CNTRL: variants seen among roughly 807,000 people sequenced by gnomAD.
CNTRL encodes 110 kDa centrosomal protein.
In CNTRL, 233 loss-of-function variants were observed where a neutral mutation model predicts 303.7. The ratio of observed to expected loss-of-function variants is 0.77; its 90% CI spans 0.69 to 0.86. The LOEUF is 0.86. Among genes scored for constraint, CNTRL ranks in the 40% least tolerant of loss-of-function variants. The pLI, the probability that CNTRL is intolerant of heterozygous loss-of-function variation, is 0.00. For synonymous variants in CNTRL, 900 were observed against 922.2 expected, an observed-to-expected ratio of 0.98 and a Z score of 0.44; for missense variants, 2,524 against 2,650.6, an observed-to-expected ratio of 0.95 and a Z score of 1.05.
In CNTRL at chr9:121,096,462, C is replaced by T; in HGVS notation, c.520C>T (p.Leu174Phe). ...AGAAAATATGTGTAATCTGCAAAAG[C>T]TTAACCTTGCAGGAAATGAAATTGA... ...GIENMCNLQKLNLAGNEIEHI... is the reference protein window; with the variant it reads ...GIENMCNLQKFNLAGNEIEHI... The change falls in exon 6 of 44, where the codon CTT becomes TTT. Residue 174 changes from leucine (L) to phenylalanine (F), a missense_variant. Physicochemically the swap from Leu to Phe is conservative, Grantham distance 22. Coordinates refer to ENST00000373855, the MANE Select transcript of CNTRL (RefSeq NM_007018.6). 2.5e-6 allele frequency: 4 copies of T among 1,571,450 alleles called. No individual in the cohort carries two copies. The highest frequency in any genetic ancestry group is 3.5e-6 in the Non-Finnish European group (4 of 1,156,652).
Position 121,115,100 on chromosome 9 carries a change from G to A in CNTRL, c.1355G>A (p.Arg452Gln), listed in dbSNP as rs573586227. 5.7e-5 allele frequency: 90 copies of A among 1,588,562 alleles called. No homozygotes were observed. In the South Asian group the frequency reaches 7.2e-4, roughly 13 times the overall value. The change falls in exon 11 of 44, where the codon CGA (arginine) becomes CAA (glutamine). Residue 452 changes from arginine (R) to glutamine (Q), a missense_variant. Transcript: ENST00000373855. ...GTTTTTAAATTTGCAGCACAAACTC[G>A]ACTATCAGAACTGCATGATGAAATA... is the stretch of plus-strand genomic sequence containing the variant. Reference protein sequence around the residue: ...KEKKISAAQTRLSELHDEIEK... With the variant: ...KEKKISAAQTQLSELHDEIEK...
chr9:121,118,063 ATGTT>A (rs1271474778), intron 11 of CNTRL, among the ~76,000 whole-genome samples: 1 of 151,960 alleles, frequency 6.6e-6, no homozygotes, highest in Non-Finnish European at 1.5e-5. Context: ...TATTAATACT[ATGTT>A]TATTATTAAT....
At position 121,111,133 on chromosome 9, in the gene CNTRL, G is replaced by A. The variant is rs1442276528; in HGVS notation, c.1003-1326G>A. 3.3e-5 allele frequency: 5 copies of A among 152,080 alleles called. No homozygotes were observed. In the East Asian group the frequency reaches 9.6e-4, roughly 29 times the overall value. The allele number at this position is 152,080 out of a possible 1,614,324, so 9.4% of individuals were successfully genotyped here. A position where few individuals can be genotyped will look rare whatever the true frequency, so the allele number is the denominator to read the frequency against. On this transcript the variant is annotated intron_variant, in intron 8 of 43. Coordinates refer to ENST00000373855, the MANE Select transcript of CNTRL (RefSeq NM_007018.6). ...AGACTCGGAGACTTATGATCATTCA[G>A]TGAAAATATCAATGTGGGTAATGTG...
At chr9:121,169,150 A>G (rs903814226) in intron 38 of CNTRL, among the ~76,000 whole-genome samples, 2 of 152,230 alleles carry the variant, frequency 1.3e-5, no homozygotes, top group African/African-American at 4.8e-5. Context: ...ACATCAGGAA[A>G]TGTTTTCCTC....
intron 2 of CNTRL, among the ~76,000 whole-genome samples, chr9:121,087,947 A>G (rs1347558260): frequency 6.6e-6 from 1 of 152,236 alleles, no homozygotes; most frequent in Non-Finnish European, 1.5e-5. Context: ...AGTGCTCATC[A>G]GTATTAAATA....
chr9:121,143,872 A>T (rs879325757), intron 19 of CNTRL, 31 bp from the exon 20 acceptor site: 4 of 1,530,908 alleles, frequency 2.6e-6, no homozygotes, highest in Non-Finnish European at 3.6e-6. Flanking sequence ...CAAATGATTC[A>T]TCTGTTTAAT....
intron 14 of CNTRL, among the ~76,000 whole-genome samples, chr9:121,129,831 G>T (rs1470787760): frequency 2.0e-5 from 3 of 152,142 alleles, no homozygotes; most frequent in African/African-American, 7.2e-5. Context: ...TTTATTGACA[G>T]TTTTTAGCAT....
intron 14 of CNTRL, among the ~76,000 whole-genome samples, chr9:121,135,210 A>C (rs2051117361): frequency 1.3e-5 from 2 of 152,198 alleles, no homozygotes; most frequent in African/African-American, 2.4e-5. Flanking sequence ...TACTCTTATC[A>C]TCCTTAATAT....
At chr9:121,088,630 T>C in intron 3 of CNTRL, 87 bp downstream of exon 3, 1 of 733,000 alleles carries the variant, frequency 1.4e-6, no homozygotes, top group Non-Finnish European at 2.3e-6. Context: ...GGTCCAACTG[T>C]AACATTCTGG....
Position 121,138,598 on chromosome 9 carries a change from G to T in CNTRL, c.2256G>T (p.Lys752Asn). The part of the protein sequence containing the change: ...AELEKERQAL[K>N]NALGKAQFSE... ...TTGAGAAGGAAAGGCAAGCCCTCAA[G>T]AATGCCCTTGGAAAAGCCCAGTTCT... The change falls in exon 16 of 44, where the codon AAG becomes AAT. Residue 752 changes from lysine to asparagine, a missense_variant. Lys to Asn is a moderately conservative substitution (Grantham distance 94). Transcript: ENST00000373855. 2 of 1,613,990 alleles carry T rather than the reference G, an allele frequency of 1.2e-6. No homozygotes were observed. The highest frequency in any genetic ancestry group is 1.7e-6 in the Non-Finnish European group (2 of 1,179,896).
intron 17 of CNTRL, 104 bp from the exon 18 acceptor site, chr9:121,141,277 C>T: frequency 1.1e-6 from 1 of 870,086 alleles, no homozygotes; most frequent in Non-Finnish European, 1.8e-6. Context: ...GACACCAGTC[C>T]CTGCACACAG....
At position 121,090,535 on chromosome 9, in the gene CNTRL, A is replaced by G. The variant is rs2048521600; in HGVS notation, c.348+130A>G. The G allele has an allele frequency of 1.0e-5, 8 of 803,014 alleles. No individual in the cohort carries two copies. In the East Asian group the frequency reaches 2.1e-4, roughly 21 times the overall value. The allele number at this position is 803,014 out of a possible 1,614,324, so 49.7% of individuals were successfully genotyped here. A position where few individuals can be genotyped will look rare whatever the true frequency, so the allele number is the denominator to read the frequency against. On this transcript the variant is annotated intron_variant, in intron 4 of 43. Transcript: ENST00000373855. ...TTTTATTGTTTCCAGTGAATGTTCT[A>G]AATCAGAAGTATATGACATTTCCAA...
At position 121,167,686 on chromosome 9, in the gene CNTRL, C is replaced by T. The variant is rs755570402; in HGVS notation, c.5844+9C>T. 4 of 1,603,046 alleles carry T rather than the reference C, an allele frequency of 2.5e-6. No individual in the cohort carries two copies. The South Asian group carries it at 3.3e-5, about 13-fold the overall frequency. ...TAGTCCAACAAGAAATGGTACTACACATTTATGATTTTACATAAAAAAAGC... is the reference window on the plus strand; with the variant it reads ...TAGTCCAACAAGAAATGGTACTACATATTTATGATTTTACATAAAAAAAGC... On this transcript the variant is annotated intron_variant, in intron 37 of 43. Transcript: ENST00000373855.
chr9:121,128,878 G>T (rs1253965747), intron 14 of CNTRL, among the ~76,000 whole-genome samples: 3 of 79,086 alleles, frequency 3.8e-5, no homozygotes, highest in Admixed American at 1.6e-4. Flanking sequence ...AGTTTTCCCA[G>T]CACCATTTAT....
At chr9:121,148,015 G>T (rs189574319) in intron 23 of CNTRL, among the ~76,000 whole-genome samples, 1 of 152,232 alleles carries the variant, frequency 6.6e-6, no homozygotes, top group East Asian at 1.9e-4. Context: ...AGATTTCTTC[G>T]AAGTTCACTG....
chr9:121,113,081 C>A (rs2049819533), intron 9 of CNTRL, among the ~76,000 whole-genome samples: 1 of 151,990 alleles, frequency 6.6e-6, no homozygotes. Context: ...TTTAAAAATT[C>A]AATTATTAAA....
chr9:121,156,860 C>T (rs1017118695), intron 27 of CNTRL, among the ~76,000 whole-genome samples: 2 of 152,178 alleles, frequency 1.3e-5, no homozygotes, highest in Non-Finnish European at 2.9e-5. Context: ...ATCACCAGAT[C>T]AATGCATTTT....
intron 6 of CNTRL, among the ~76,000 whole-genome samples, chr9:121,096,970 T>G (rs1013958813): frequency 1.3e-5 from 2 of 148,942 alleles, no homozygotes; most frequent in African/African-American, 4.9e-5. Context: ...AGTTCTGGGT[T>G]TTTTTTTTTT....
At chr9:121,104,204 G>A (rs1397309042) in intron 7 of CNTRL, among the ~76,000 whole-genome samples, 1 of 152,204 alleles carries the variant, frequency 6.6e-6, no homozygotes, top group African/African-American at 2.4e-5. Context: ...CATAAAAAAG[G>A]ATGAGTTCAT....
Sources: gnomAD v4.1 joint callset for allele counts (sites outside exome capture counted in the v4.1 genomes callset) on GRCh38, gnomAD v4.1.1 for gene constraint, MANE v1.5 for transcripts, NCBI Gene and HGNC (gene_info 2026-07-23, HGNC 2026-07-21) for gene names.